The following NHSL1 variants were observed in gnomAD, a reference collection of about 807,000 sequenced individuals.
NHSL1 encodes the protein NHS like 1, also known as NHS-like protein 1.
A neutral mutation model predicts 95.0 loss-of-function variants in NHSL1; 48 were observed. That is an observed-to-expected ratio of 0.51 (90% CI 0.40 to 0.64). The LOEUF (loss-of-function observed/expected upper bound fraction) is 0.64, where lower values mean the gene tolerates loss of function less well. Ranked by LOEUF, NHSL1 falls within the 30% of genes least tolerant of loss-of-function variation. NHSL1 has a pLI of 0.00. For synonymous variants in NHSL1, 783 were observed against 833.9 expected, an observed-to-expected ratio of 0.94 and a Z score of 1.05; for missense variants, 1,971 against 2,077.7, an observed-to-expected ratio of 0.95 and a Z score of 1.00.
At chr6:138,436,260 G>A (rs1776093792) in intron 5 of NHSL1, among the ~76,000 whole-genome samples, 2 of 152,206 alleles carry the variant, frequency 1.3e-5, no homozygotes, top group African/African-American at 4.8e-5. Context: ...TAACCGAGCT[G>A]TGACTGCAAA....
intron 1 of NHSL1, among the ~76,000 whole-genome samples, chr6:138,599,043 TCCAAGTCATCTAG>T (rs1232576400): frequency 6.6e-6 from 1 of 152,200 alleles, no homozygotes; most frequent in East Asian, 1.9e-4. Context: ...TCTCTGTGTG[TCCAAGTCATCTAG>T]CTGTAAAATT....
chr6:138,478,385 T>A (rs1779220406), intron 2 of NHSL1, among the ~76,000 whole-genome samples: 1 of 151,276 alleles, frequency 6.6e-6, no homozygotes, highest in African/African-American at 2.4e-5. Context: ...AGCTGACCAA[T>A]TTTTTTTTGC....
intron 1 of NHSL1, among the ~76,000 whole-genome samples, chr6:138,579,007 T>C (rs1390826035): frequency 6.6e-6 from 1 of 152,206 alleles, no homozygotes; most frequent in African/African-American, 2.4e-5. Flanking sequence ...AGGATGAAAC[T>C]TCCACCTCAG....
intron 1 of NHSL1, among the ~76,000 whole-genome samples, chr6:138,506,685 G>A (rs894384083): frequency 2.6e-5 from 4 of 152,142 alleles, no homozygotes; most frequent in Non-Finnish European, 5.9e-5. Context: ...TAAGGTCATA[G>A]AATAGTAAGA....
At chr6:138,576,704 C>G (rs919557181), upstream of NHSL1, among the ~76,000 whole-genome samples, 4 of 152,116 alleles carry the variant, frequency 2.6e-5, no homozygotes, top group African/African-American at 7.2e-5. Context: ...TTGGCCAGCA[C>G]CCCCCTCCTT....
chr6:138,422,578 A>G lies in NHSL1; in HGVS notation c.*1503T>C, dbSNP rs1439980023. The G allele has an allele frequency of 1.3e-5, 2 of 152,228 alleles. No individual in the cohort carries two copies. The highest frequency in any genetic ancestry group is 4.8e-5 in the African/African-American group (2 of 41,450). 9.4% of individuals were successfully genotyped at this position (152,228 alleles called of 1,614,324 possible). A position where few individuals can be genotyped will look rare whatever the true frequency, so the allele number is the denominator to read the frequency against. On this transcript the variant is annotated 3_prime_UTR_variant, in exon 8 of 8. Coordinates refer to ENST00000343505, the MANE Select transcript of NHSL1 (RefSeq NM_001144060.2). ...GTCATCCTAGGTCCTTCTAATGAAG[A>G]AGACAATACTCTAGTTTATTTAACA... is the stretch of plus-strand genomic sequence containing the variant.
intron 1 of NHSL1, among the ~76,000 whole-genome samples, chr6:138,565,302 T>C (rs1187156255): frequency 6.6e-6 from 1 of 152,138 alleles, no homozygotes; most frequent in Non-Finnish European, 1.5e-5. Context: ...AGACAGGGTT[T>C]CACCATGTTG....
At position 138,450,874 on chromosome 6, in the gene NHSL1, C is replaced by T. The variant is rs55920402; in HGVS notation, c.340-3681G>A. ...ACACAGCAGGGGCACAGAAAAACCT[C>T]CCTCATTTCAGTGGCAGAACACATG... On this transcript the variant is annotated intron_variant, in intron 3 of 7. Coordinates refer to ENST00000343505, the MANE Select transcript of NHSL1 (RefSeq NM_001144060.2). Among the ~76,000 whole-genome samples, 1,324 of 152,226 alleles carry T rather than the reference C, an allele frequency of 8.7e-3. 11 individuals are homozygous for T. The highest frequency in any genetic ancestry group is 0.014 in the Non-Finnish European group (953 of 68,012).
chr6:138,598,833 A>G (rs1784335620), intron 1 of NHSL1, among the ~76,000 whole-genome samples: 1 of 152,204 alleles, frequency 6.6e-6, no homozygotes, highest in Non-Finnish European at 1.5e-5. Flanking sequence ...CTTCATTCAA[A>G]GACGACTGCA....
At chr6:138,437,023 A>C (rs2128207758) in intron 5 of NHSL1, among the ~76,000 whole-genome samples, 1 of 152,128 alleles carries the variant, frequency 6.6e-6, no homozygotes, top group East Asian at 1.9e-4. Flanking sequence ...TGTAATCCCA[A>C]CACTTTGGGA....
chr6:138,574,693 G>GA (rs139784649), upstream of NHSL1, among the ~76,000 whole-genome samples: 3,622 of 144,156 alleles, frequency 0.025, 143 homozygotes, highest in African/African-American at 0.091. Context: ...AAAAAGAAAA[G>GA]AAAAAAAGTT....
chr6:138,498,127 T>TC (rs1780464405), intron 1 of NHSL1, among the ~76,000 whole-genome samples: 3 of 152,106 alleles, frequency 2.0e-5, no homozygotes, highest in African/African-American at 4.8e-5. Flanking sequence ...TCACCATATG[T>TC]CCCCCCAAAG....
chr6:138,470,330 C>T (rs540102096), intron 3 of NHSL1, among the ~76,000 whole-genome samples: 50 of 152,306 alleles, frequency 3.3e-4, no homozygotes, highest in African/African-American at 1.0e-3. Flanking sequence ...CACCCAGTTG[C>T]CCAGGCTGGA....
Position 138,431,856 on chromosome 6 carries a change from C to T in NHSL1, c.2489G>A (p.Gly830Asp), listed in dbSNP as rs1775696911. The T allele has an allele frequency of 1.3e-6, 2 of 1,551,734 alleles. No individual in the cohort carries two copies. The highest frequency in any genetic ancestry group is 2.0e-5 in the Admixed American group (1 of 51,012). ...TGACATGATCTTTGGTTTGACTGAA[C>T]CACCGGGCACTTGGGGCATTGTGGC... ...SRATMPQVPGGSVKPKIMSPE... is the reference protein window; with the variant it reads ...SRATMPQVPGDSVKPKIMSPE... Residue 830 changes from glycine to aspartate, a missense_variant, in exon 6 of 8, where the codon GGT becomes GAT. Gly to Asp is a moderately conservative substitution (Grantham distance 94). Around this residue, in one of 3 missense-constraint regions of NHSL1, gnomAD observed 1,602 missense variants for 1,654.5 expected, o/e 0.97. Coordinates refer to ENST00000343505, the MANE Select transcript of NHSL1 (RefSeq NM_001144060.2). The surrounding 1 kb of genome is among the most constrained non-coding windows in gnomAD (Gnocchi z 4.0).
At chr6:138,558,509 C>T (rs866628769) in intron 1 of NHSL1, among the ~76,000 whole-genome samples, 6 of 151,158 alleles carry the variant, frequency 4.0e-5, no homozygotes, top group African/African-American at 1.2e-4. Context: ...CTGTAGCCTC[C>T]GCCTCCTGGG....
rs148426025 is a variant in NHSL1, at chr6:138,654,962, C to T, written c.96+37514G>A. On this transcript the variant is annotated intron_variant, in intron 1 of 3. Coordinates refer to the NHSL1 transcript ENST00000491526. ...AGGTTGACAGTGTCTGCTCTATAAG[C>T]TTTGATTTTTAAGAATTTATTTCCA... Among the ~76,000 whole-genome samples the T allele has an allele frequency of 1.0e-3, 155 of 152,236 alleles. 1 individual carries two copies. The highest frequency in any genetic ancestry group is 3.7e-3 in the African/African-American group (154 of 41,536).
chr6:138,496,483 G>A (rs1478209990), intron 1 of NHSL1, 112 bp from the exon 2 acceptor site: 5 of 950,940 alleles, frequency 5.3e-6, no homozygotes, highest in Non-Finnish European at 8.1e-6. Context: ...GCCAGCAAGG[G>A]AGCAATGGAG....
rs1583465443 is a variant in NHSL1 at position 138,649,073 on chromosome 6, A to G, written c.96+43403T>C. 2.6e-5 allele frequency among the ~76,000 whole-genome samples: 4 copies of G among 152,344 alleles called. No homozygotes were observed. In the South Asian group the frequency reaches 6.2e-4, roughly 24 times the overall value. ...CAAGAAGCTGAACAAGGGAAATGATACACCAGGTTTATTACAGGAAAGTGT... is the reference window on the plus strand; with the variant it reads ...CAAGAAGCTGAACAAGGGAAATGATGCACCAGGTTTATTACAGGAAAGTGT... On this transcript the variant is annotated intron_variant, in intron 1 of 3. Coordinates refer to the NHSL1 transcript ENST00000491526.
intron 1 of NHSL1, among the ~76,000 whole-genome samples, chr6:138,569,039 G>A (rs768131917): frequency 2.6e-5 from 4 of 152,158 alleles, no homozygotes; most frequent in Non-Finnish European, 4.4e-5. Context: ...GGCTAATGGT[G>A]CAAAGCATAC....
Sources: gnomAD v4.1 joint callset for allele counts (sites outside exome capture counted in the v4.1 genomes callset) on GRCh38, gnomAD v4.1.1 for gene constraint, gnomAD v4.1.1 regional missense constraint, Gnocchi (gnomAD v3.1) non-coding constraint, MANE v1.5 for transcripts, NCBI Gene and HGNC (gene_info 2026-07-23, HGNC 2026-07-21) for gene names.